Variants in CENPU observed in about 807,000 individuals in gnomAD.
CENPU encodes the protein centromere protein U, also known as KSHV latent nuclear antigen interacting protein 1.
Under a neutral mutation model 56.7 loss-of-function variants are expected in CENPU, and 46 were observed. That is an observed-to-expected ratio of 0.81 (90% CI 0.64 to 1.04). The LOEUF (loss-of-function observed/expected upper bound fraction) is 1.04, where lower values mean the gene tolerates loss of function less well. CENPU is among the 50% of genes least tolerant of loss of function. CENPU has a pLI of 0.00. For synonymous variants in CENPU, 166 were observed against 163.0 expected (o/e 1.02, Z -0.14); for missense variants, 510 against 490.1 (o/e 1.04, Z -0.38).
rs542920664 is a variant in CENPU, at chr4:184,698,925, T to C, written c.987-1122A>G. Among the ~76,000 whole-genome samples, 9 of 152,346 alleles carry C rather than the reference T, an allele frequency of 5.9e-5. No homozygotes were observed. In the South Asian group the frequency reaches 1.4e-3, roughly 25 times the overall value. On this transcript the variant is annotated intron_variant, in intron 11 of 12. Coordinates refer to ENST00000281453, the MANE Select transcript of CENPU (RefSeq NM_024629.4). ...CCTCCCTGTGCCTTAGGTTTTCATA[T>C]GGCAAGTTAAAATAATTATATACCA...
intron 7 of CENPU, among the ~76,000 whole-genome samples, chr4:184,711,267 T>G (rs1329371424): frequency 1.3e-5 from 2 of 152,188 alleles, no homozygotes; most frequent in Non-Finnish European, 2.9e-5. Flanking sequence ...GTGGGTGGAT[T>G]CACTTTTAAA....
At chr4:184,697,022 A>G (rs1006196113) in intron 12 of CENPU, among the ~76,000 whole-genome samples, 1 of 151,898 alleles carries the variant, frequency 6.6e-6, no homozygotes, top group Non-Finnish European at 1.5e-5. Flanking sequence ...CTGGGACTAC[A>G]GGCATACACC....
rs1002554741 is a variant in CENPU at position 184,695,019 on chromosome 4, T to G, written c.*269A>C. On this transcript the variant is annotated 3_prime_UTR_variant, in exon 13 of 13. Coordinates refer to ENST00000281453, the MANE Select transcript of CENPU (RefSeq NM_024629.4). ...ACATCAACTTAATTTTACAAGTTTA[T>G]TATAGCTCATACCTGGGACCGATTA... The G allele has an allele frequency of 3.7e-6, 2 of 542,116 alleles. No homozygotes were observed. Among genetic ancestry groups the G allele is most frequent in the Non-Finnish European group, 6.5e-6 (2 of 305,868 alleles). The allele number at this position is 542,116 out of a possible 1,614,324, so 33.6% of individuals were successfully genotyped here. A position where few individuals can be genotyped will look rare whatever the true frequency, so the allele number is the denominator to read the frequency against.
In CENPU at chr4:184,694,275, T is replaced by G. The variant is rs546808325; in HGVS notation, c.*1013A>C. 4 of 1,238,238 alleles carry G rather than the reference T, an allele frequency of 3.2e-6. No individual in the cohort carries two copies. The Admixed American group carries it at 1.5e-4, about 45-fold the overall frequency. 76.7% of individuals were successfully genotyped at this position (1,238,238 alleles called of 1,614,324 possible). On this transcript the variant is annotated 3_prime_UTR_variant, in exon 13 of 13. Transcript: ENST00000281453. ...TCTTCCGTCGGGGAGTATTGAAAAG[T>G]ATGTGCACAGAACTGTAGGTAATTT...
At chr4:184,708,093 G>A (rs190850449) in intron 8 of CENPU, among the ~76,000 whole-genome samples, 43 of 151,866 alleles carry the variant, frequency 2.8e-4, no homozygotes, top group Non-Finnish European at 4.6e-4. Context: ...GCGTGGTGGC[G>A]CATGCTTGTA....
At chr4:184,728,421 T>C (rs1761529207) in intron 3 of CENPU, among the ~76,000 whole-genome samples, 1 of 152,130 alleles carries the variant, frequency 6.6e-6, no homozygotes, top group Admixed American at 6.5e-5. Flanking sequence ...GAGTGCCCAG[T>C]GACACAAGCA....
At chr4:184,700,229 T>C (rs991293750) in intron 11 of CENPU, among the ~76,000 whole-genome samples, 9 of 152,164 alleles carry the variant, frequency 5.9e-5, no homozygotes, top group African/African-American at 2.2e-4. Context: ...GCCTGGTAAG[T>C]TCACCTGGCC....
At position 184,702,394 on chromosome 4, in the gene CENPU, T is replaced by C. The variant is rs151222865; in HGVS notation, c.845A>G (p.Tyr282Cys). ...KVCKAAIATFYVNVKEQFIKM... is the reference protein window; with the variant it reads ...KVCKAAIATFCVNVKEQFIKM... ...GATGAATTGTTCTTTAACATTAACA[T>C]AAAATGTGGCGATGGCTGCCTTACA... Residue 282 changes from tyrosine to cysteine, a missense_variant, in exon 9 of 13, where the codon TAT (tyrosine) becomes TGT (cysteine). Coordinates refer to ENST00000281453, the MANE Select transcript of CENPU (RefSeq NM_024629.4). The C allele has an allele frequency of 2.6e-4, 426 of 1,612,148 alleles. No homozygotes were observed. The highest frequency in any genetic ancestry group is 3.5e-4 in the Non-Finnish European group (410 of 1,179,534).
At chr4:184,731,025 C>T in intron 1 of CENPU, 57 bp from the exon 2 acceptor site, 1 of 1,272,736 alleles carries the variant, frequency 7.9e-7, no homozygotes, top group Non-Finnish European at 1.1e-6. Flanking sequence ...ACTGAGGAAA[C>T]ACCATAGTTA....
intron 8 of CENPU, among the ~76,000 whole-genome samples, chr4:184,707,039 T>C (rs957280448): frequency 6.6e-6 from 1 of 151,120 alleles, no homozygotes; most frequent in Non-Finnish European, 1.5e-5. Context: ...ACAAGCAAGA[T>C]GGTCTTGGGT....
intron 7 of CENPU, 67 bp downstream of exon 7, chr4:184,712,874 TAAG>T: frequency 9.3e-7 from 1 of 1,072,516 alleles, no homozygotes. Context: ...TATAACAAAT[TAAG>T]AATAGGGTCT....
In CENPU at chr4:184,694,411, T is replaced by G; in HGVS notation, c.*877A>C. The G allele has an allele frequency of 1.5e-6, 2 of 1,365,510 alleles. No individual in the cohort carries two copies. Among genetic ancestry groups the G allele is most frequent in the South Asian group, 3.2e-5 (2 of 62,056 alleles). 84.6% of individuals were successfully genotyped at this position (1,365,510 alleles called of 1,614,324 possible). A position where few individuals can be genotyped will look rare whatever the true frequency, so the allele number is the denominator to read the frequency against. Reference sequence around the variant, plus strand: ...CAGCATTCCTCCTGCATATTCACTTTAGTATCTGTCACTTAATACCTTACT... The same window carrying G: ...CAGCATTCCTCCTGCATATTCACTTGAGTATCTGTCACTTAATACCTTACT... On this transcript the variant is annotated 3_prime_UTR_variant, in exon 13 of 13. Transcript: ENST00000281453.
intron 11 of CENPU, chr4:184,698,044 T>C (rs974396017): frequency 2.5e-6 from 1 of 399,880 alleles, no homozygotes; most frequent in African/African-American, 2.1e-5. Flanking sequence ...GAATATTCCT[T>C]ATAAATGCTG....
chr4:184,724,955 A>C lies in CENPU; in HGVS notation c.320+2T>G. 1 of 1,583,550 alleles carries C rather than the reference A, an allele frequency of 6.3e-7. No individual in the cohort carries two copies. Among genetic ancestry groups the C allele is most frequent in the Non-Finnish European group, 8.7e-7 (1 of 1,154,986 alleles). On this transcript the variant is annotated splice_donor_variant, in intron 4 of 12. Transcript: ENST00000281453. LOFTEE classifies it high-confidence loss of function. The stretch of plus-strand genomic sequence containing the variant: ...AAACAATTGCTTGAAATACACCAGT[A>C]CCTTCTTTTTGCTTCTTTTCCTGGA...
In CENPU at chr4:184,724,960, C is replaced by CT. The variant is rs747587077; in HGVS notation, c.316dup (p.Arg106LysfsTer9). 6.3e-7 allele frequency: 1 copy of CT among 1,599,394 alleles called. No homozygotes were observed. Among genetic ancestry groups the CT allele is most frequent in the Non-Finnish European group, 8.6e-7 (1 of 1,169,408 alleles). The stretch of plus-strand genomic sequence containing the variant: ...ATTGCTTGAAATACACCAGTACCTT[C>CT]TTTTTGCTTCTTTTCCTGGAGGAGT... On this transcript the variant is annotated frameshift_variant, in exon 4 of 13. Coordinates refer to ENST00000281453, the MANE Select transcript of CENPU (RefSeq NM_024629.4). LOFTEE classifies it high-confidence loss of function.
intron 4 of CENPU, among the ~76,000 whole-genome samples, chr4:184,718,924 G>A (rs540579681): frequency 7.7e-4 from 117 of 152,276 alleles, no homozygotes; most frequent in African/African-American, 2.5e-3. Flanking sequence ...CAAAACATCC[G>A]GGAACTCAGG....
chr4:184,716,149 G>A (rs1380500078), intron 6 of CENPU, among the ~76,000 whole-genome samples: 1 of 151,996 alleles, frequency 6.6e-6, no homozygotes, highest in Non-Finnish European at 1.5e-5. Flanking sequence ...TGCCCAGGCT[G>A]GTCTTGAACT....
At position 184,734,063 on chromosome 4, in the gene CENPU, G is replaced by A. The variant is rs1483809425; in HGVS notation, c.-1C>T. ...GCCGCCGCCGCCCCCGCGGGGCCAT[G>A]GTGCCGCTCTCCGCTCTCGAGCGAC... On this transcript the variant is annotated 5_prime_UTR_variant, in exon 1 of 13. Transcript: ENST00000281453. 1.9e-6 allele frequency: 3 copies of A among 1,558,440 alleles called. No individual in the cohort carries two copies. The highest frequency in any genetic ancestry group is 1.7e-6 in the Non-Finnish European group (2 of 1,153,366).
chr4:184,704,210 G>A (rs1760643320), intron 8 of CENPU, among the ~76,000 whole-genome samples: 1 of 152,024 alleles, frequency 6.6e-6, no homozygotes, highest in South Asian at 2.1e-4. Flanking sequence ...CTCCCGTGTA[G>A]CTGGGACTAC....
Sources: allele counts gnomAD v4.1 joint callset (sites outside exome capture counted in the v4.1 genomes callset), GRCh38; gene constraint gnomAD v4.1.1; transcripts MANE v1.5; gene names NCBI Gene and HGNC (gene_info 2026-07-23, HGNC 2026-07-21).